PSMD1: variants seen among roughly 807,000 people sequenced by gnomAD.
PSMD1 encodes proteasome 26S subunit, non-ATPase 1, also known as 26S proteasome non-ATPase regulatory subunit 1.
Under a neutral mutation model 119.0 loss-of-function variants are expected in PSMD1, and 18 were observed. The ratio of observed to expected loss-of-function variants is 0.15; its 90% confidence interval spans 0.10 to 0.22. The LOEUF is 0.22. PSMD1 is among the 10% of genes least tolerant of loss of function. The pLI is 1.00. For missense variants in PSMD1, 702 were observed against 1,158.5 expected (o/e 0.61, Z 5.72); for synonymous variants, 374 against 396.6 (o/e 0.94, Z 0.68).
At chr2:231,087,051 T>C in intron 15 of PSMD1, 66 bp from the exon 16 acceptor site, 1 of 1,349,188 alleles carries the variant, frequency 7.4e-7, no homozygotes, top group Non-Finnish European at 1.1e-6. Flanking sequence ...GATGCTGACC[T>C]CTCATGTCAG....
intron 16 of PSMD1, among the ~76,000 whole-genome samples, chr2:231,130,595 C>T (rs1199885806): frequency 6.6e-6 from 1 of 152,110 alleles, no homozygotes; most frequent in Admixed American, 6.5e-5. Flanking sequence ...GTAGCTGAGA[C>T]TACAGGCATG....
rs963742482 is a variant in PSMD1, at chr2:231,100,180, T to A, written c.1883+12999T>A. ...CCCCCAAATTGTTACATATAAAGTT[T>A]CGATGCTACAAAAGGAATACCACTC... is the stretch of plus-strand genomic sequence containing the variant. On this transcript the variant is annotated intron_variant, in intron 16 of 24. Transcript: ENST00000308696. 4.3e-4 allele frequency among the ~76,000 whole-genome samples: 66 copies of A among 152,264 alleles called. 1 individual carries two copies. Among genetic ancestry groups the A allele is most frequent in the African/African-American group, 1.5e-3 (64 of 41,558 alleles).
chr2:231,085,881 C>G (rs1048828293), intron 15 of PSMD1, among the ~76,000 whole-genome samples: 3 of 152,080 alleles, frequency 2.0e-5, no homozygotes, highest in African/African-American at 7.2e-5. Flanking sequence ...CCTTTCTATG[C>G]AGAAAGACTT....
At chr2:231,149,703 A>G in intron 18 of PSMD1, among the ~76,000 whole-genome samples, 1 of 152,368 alleles carries the variant, frequency 6.6e-6, no homozygotes, top group Non-Finnish European at 1.5e-5. Context: ...TGTATATATG[A>G]TTTCACAGCA....
chr2:231,073,574 A>G (rs1196051021), intron 7 of PSMD1, among the ~76,000 whole-genome samples: 3 of 152,136 alleles, frequency 2.0e-5, no homozygotes, highest in African/African-American at 7.2e-5. Flanking sequence ...AATATCTTCA[A>G]TTTGGGGCAC....
At chr2:231,073,276 T>G (rs1429392063) in intron 7 of PSMD1, among the ~76,000 whole-genome samples, 1 of 152,178 alleles carries the variant, frequency 6.6e-6, no homozygotes, top group East Asian at 1.9e-4. Flanking sequence ...ATTAAAAAGT[T>G]TTAAATATTG....
chr2:231,090,291 C>T (rs1260258506), intron 16 of PSMD1, among the ~76,000 whole-genome samples: 3 of 152,166 alleles, frequency 2.0e-5, no homozygotes, highest in Non-Finnish European at 4.4e-5. Flanking sequence ...GCCTGTAATC[C>T]CAGCACTTTG....
intron 18 of PSMD1, among the ~76,000 whole-genome samples, chr2:231,149,191 TCA>T (rs1696317146): frequency 6.6e-6 from 1 of 152,224 alleles, no homozygotes; most frequent in Admixed American, 6.5e-5. Context: ...TTTGCTTCTC[TCA>T]GTTTCTCGCT....
At chr2:231,147,716 G>A (rs2125255354) in intron 18 of PSMD1, among the ~76,000 whole-genome samples, 1 of 152,276 alleles carries the variant, frequency 6.6e-6, no homozygotes, top group East Asian at 1.9e-4. Context: ...AATTCTTAAA[G>A]CTAGGGACTT....
At chr2:231,118,581 A>G (rs1261444482) in intron 16 of PSMD1, among the ~76,000 whole-genome samples, 1 of 151,966 alleles carries the variant, frequency 6.6e-6, no homozygotes, top group Non-Finnish European at 1.5e-5. Context: ...TGGTTTGGGT[A>G]TTTTTTTGTT....
rs183204550 is a variant in PSMD1, at chr2:231,135,235, G to A, written c.1884-3501G>A. On this transcript the variant is annotated intron_variant, in intron 16 of 24. Coordinates refer to ENST00000308696, the MANE Select transcript of PSMD1 (RefSeq NM_002807.4). The stretch of plus-strand genomic sequence containing the variant: ...ATAACTTTTCAATAGCCTCTTTGGT[G>A]TAATATCATTTTAAATTTTATTTTT... Among the ~76,000 whole-genome samples the A allele has an allele frequency of 1.3e-3, 204 of 152,260 alleles. 1 individual carries two copies. Among genetic ancestry groups the A allele is most frequent in the African/African-American group, 4.6e-3 (190 of 41,564 alleles).
In PSMD1 at chr2:231,137,106, T is replaced by C. The variant is rs1695990094; in HGVS notation, c.1884-1630T>C. 2.0e-5 allele frequency among the ~76,000 whole-genome samples: 3 copies of C among 146,654 alleles called. No individual in the cohort carries two copies. The Admixed American group carries it at 2.1e-4, about 10-fold the overall frequency. ...TATTTATATATTATATTTTATATAT[T>C]ATATATTTTATTTATTTATTTTTTT... is the stretch of plus-strand genomic sequence containing the variant. On this transcript the variant is annotated intron_variant, in intron 16 of 24. Transcript: ENST00000308696.
Position 231,075,616 on chromosome 2 carries a change from G to A in PSMD1, c.942+45G>A, listed in dbSNP as rs764161066. 4 of 1,565,334 alleles carry A rather than the reference G, an allele frequency of 2.6e-6. No homozygotes were observed. In the East Asian group the frequency reaches 9.1e-5, roughly 36 times the overall value. ...TTCCTTTGAGACAGGGTCCTGATCT[G>A]TCACCCAGGCTAGAACGCAGTGGCG... On this transcript the variant is annotated intron_variant, in intron 8 of 24. Transcript: ENST00000308696.
rs373360487 is a variant in PSMD1 at position 231,077,731 on chromosome 2, A to G, written c.1071+569A>G. Among the ~76,000 whole-genome samples, 38 of 152,304 alleles carry G rather than the reference A, an allele frequency of 2.5e-4. 2 individuals are homozygous for G. Among genetic ancestry groups the G allele is most frequent in the East Asian group, 2.3e-3 (12 of 5,190 alleles). On this transcript the variant is annotated intron_variant, in intron 9 of 24. Transcript: ENST00000308696. ...TGATTCAAAATATTTTAATATAAAA[A>G]GATATATAACATGAAAAATCTTCCT...
intron 17 of PSMD1, among the ~76,000 whole-genome samples, chr2:231,140,089 C>CT (rs1176265793): frequency 2.0e-5 from 3 of 152,180 alleles, no homozygotes; most frequent in Admixed American, 6.5e-5. Context: ...AAAGGAGTCA[C>CT]TTTTTTTATC....
At chr2:231,094,166 G>A (rs187772840) in intron 16 of PSMD1, among the ~76,000 whole-genome samples, 50 of 152,204 alleles carry the variant, frequency 3.3e-4, no homozygotes, top group African/African-American at 7.9e-4. Context: ...GGGTTAACAC[G>A]TGTTGAAGGA....
intron 17 of PSMD1, among the ~76,000 whole-genome samples, chr2:231,145,288 G>C (rs532127637): frequency 5.9e-5 from 9 of 152,308 alleles, no homozygotes. Context: ...TGTACGTCAT[G>C]TTACTGTACT....
intron 16 of PSMD1, among the ~76,000 whole-genome samples, chr2:231,128,420 T>C (rs1427991767): frequency 6.6e-6 from 1 of 152,234 alleles, no homozygotes; most frequent in Non-Finnish European, 1.5e-5. Context: ...GTTCATTCTC[T>C]TTGACAAGAT....
At chr2:231,093,078 G>A (rs989565906) in intron 16 of PSMD1, among the ~76,000 whole-genome samples, 9 of 152,234 alleles carry the variant, frequency 5.9e-5, no homozygotes, top group Admixed American at 3.9e-4. Context: ...GGTTGGGAAG[G>A]GGGTGTCTGC....
Sources: allele counts gnomAD v4.1 joint callset (sites outside exome capture counted in the v4.1 genomes callset), GRCh38; gene constraint gnomAD v4.1.1; transcripts MANE v1.5; gene names NCBI Gene and HGNC (gene_info 2026-07-23, HGNC 2026-07-21).